TASP1: variants seen among roughly 807,000 people sequenced by gnomAD.
TASP1 encodes the protein taspase 1.
A neutral mutation model predicts 56.6 loss-of-function variants in TASP1; 16 were observed. That is an observed-to-expected ratio of 0.28 (90% CI 0.19 to 0.43). The LOEUF is 0.43. Among genes scored for constraint, TASP1 ranks in the 20% least tolerant of loss-of-function variants. The pLI is 1.00. For missense variants in TASP1, 393 were observed against 511.6 expected (o/e 0.77, Z 2.24); for synonymous variants, 179 against 184.2 (o/e 0.97, Z 0.23).
the TASP1 span, among the ~76,000 whole-genome samples, chr20:13,256,822 C>A: frequency 6.6e-6 from 1 of 152,110 alleles, no homozygotes; most frequent in African/African-American, 2.4e-5. Context: ...ATTATATCCA[C>A]CCAGTGGGAA....
the TASP1 span, among the ~76,000 whole-genome samples, chr20:13,296,433 G>A: frequency 1.3e-5 from 2 of 152,206 alleles, no homozygotes; most frequent in African/African-American, 4.8e-5. Context: ...TTATTGCAGG[G>A]AGGCAAGGGA....
At chr20:13,583,722 C>T (rs558192348) in intron 5 of TASP1, among the ~76,000 whole-genome samples, 2 of 152,072 alleles carry the variant, frequency 1.3e-5, no homozygotes, top group African/African-American at 2.4e-5. Flanking sequence ...GGCCTCATAA[C>T]GGTATTACAT....
the TASP1 span, among the ~76,000 whole-genome samples, chr20:13,330,324 T>A: frequency 6.6e-6 from 1 of 152,234 alleles, no homozygotes; most frequent in African/African-American, 2.4e-5. Context: ...ATTGTTAACA[T>A]GTGGAATTAC....
chr20:13,504,206 G>C (rs576088579), intron 10 of TASP1, among the ~76,000 whole-genome samples: 2 of 152,004 alleles, frequency 1.3e-5, no homozygotes, highest in African/African-American at 4.8e-5. Flanking sequence ...AAAGCAGCAA[G>C]AGAGGCTCAT....
the TASP1 span, among the ~76,000 whole-genome samples, chr20:13,256,039 C>A: frequency 6.6e-6 from 1 of 151,970 alleles, no homozygotes; most frequent in East Asian, 1.9e-4. Flanking sequence ...AGTAGGAGAG[C>A]ATCAGGCTGG....
chr20:13,569,220 T>C (rs933350724), intron 7 of TASP1, among the ~76,000 whole-genome samples: 7 of 151,962 alleles, frequency 4.6e-5, no homozygotes, highest in African/African-American at 1.7e-4. Context: ...CTCTCTCTCA[T>C]TGAAGGGTGG....
chr20:13,465,801 G>A (rs2044232898), intron 11 of TASP1, among the ~76,000 whole-genome samples: 1 of 129,916 alleles, frequency 7.7e-6, no homozygotes, highest in Non-Finnish European at 1.6e-5. Flanking sequence ...ATAGAGACAG[G>A]AGACTATTGG....
chr20:13,614,784 T>C (rs1255424116), intron 4 of TASP1: 1 of 467,384 alleles, frequency 2.1e-6, no homozygotes, highest in East Asian at 7.0e-5. Flanking sequence ...ACATTTGAAA[T>C]AGTTTTAAAC....
chr20:13,372,270 G>A, the TASP1 span, among the ~76,000 whole-genome samples: 1 of 152,010 alleles, frequency 6.6e-6, no homozygotes, highest in African/African-American at 2.4e-5. Context: ...TTGACAGCTT[G>A]AATGAATAAA....
the TASP1 span, among the ~76,000 whole-genome samples, chr20:13,115,960 A>T: frequency 2.0e-5 from 3 of 152,192 alleles, no homozygotes; most frequent in African/African-American, 7.2e-5. Context: ...CTTCCCCTCA[A>T]TGGAAACAAT....
At chr20:13,298,872 T>C in the TASP1 span, 2 of 1,513,494 alleles carry the variant, frequency 1.3e-6, no homozygotes, top group Non-Finnish European at 1.8e-6. Flanking sequence ...TGGTGTCACA[T>C]GCTCCTTGAA....
At chr20:13,290,213 G>A in the TASP1 span, among the ~76,000 whole-genome samples, 2 of 152,004 alleles carry the variant, frequency 1.3e-5, no homozygotes, top group Non-Finnish European at 2.9e-5. Context: ...TTGGAAGCCT[G>A]GTGGGTGGAA....
chr20:13,377,077 G>C, the TASP1 span, among the ~76,000 whole-genome samples: 2 of 152,068 alleles, frequency 1.3e-5, no homozygotes, highest in Admixed American at 6.5e-5. Context: ...TCTTTCTCTT[G>C]TCTGATTGCC....
intron 5 of TASP1, among the ~76,000 whole-genome samples, chr20:13,584,869 T>G (rs2047248294): frequency 6.6e-6 from 1 of 152,200 alleles, no homozygotes; most frequent in African/African-American, 2.4e-5. Context: ...TATAATCATA[T>G]AAATGTTAAA....
At chr20:13,263,480 T>C in the TASP1 span, among the ~76,000 whole-genome samples, 47,774 of 152,028 alleles carry the variant, frequency 0.31, 8,559 homozygotes, top group African/African-American at 0.47. Flanking sequence ...ATCTTAGGAG[T>C]GCTTGCTCCT....
the TASP1 span, among the ~76,000 whole-genome samples, chr20:13,217,483 T>C: frequency 6.6e-6 from 1 of 151,936 alleles, no homozygotes; most frequent in Non-Finnish European, 1.5e-5. Context: ...TGATAGTAAC[T>C]ACAGGTGTTC....
chr20:13,422,777 A>G (rs2042490048), intron 12 of TASP1, among the ~76,000 whole-genome samples: 1 of 152,224 alleles, frequency 6.6e-6, no homozygotes, highest in Non-Finnish European at 1.5e-5. Flanking sequence ...CAGAGCTGAG[A>G]CAGGAAGGCA....
the TASP1 span, among the ~76,000 whole-genome samples, chr20:13,224,266 T>G: frequency 6.6e-6 from 1 of 152,194 alleles, no homozygotes; most frequent in Non-Finnish European, 1.5e-5. Flanking sequence ...TATAAAAGTT[T>G]TATACTCTTC....
At chr20:13,221,736 C>G in the TASP1 span, 1 of 1,349,638 alleles carries the variant, frequency 7.4e-7, no homozygotes, top group African/African-American at 1.5e-5. Context: ...CCGCCGCCGC[C>G]GGCCGCCGCG....
Sources: allele counts gnomAD v4.1 joint callset (sites outside exome capture counted in the v4.1 genomes callset), GRCh38; gene constraint gnomAD v4.1.1; transcripts MANE v1.5; gene names NCBI Gene and HGNC (gene_info 2026-07-23, HGNC 2026-07-21).